PRKCA: variants seen among roughly 807,000 people sequenced by gnomAD.
PRKCA encodes protein kinase C alpha type.
A neutral mutation model predicts 87.0 loss-of-function variants in PRKCA; 27 were observed. The observed-to-expected ratio is 0.31, with a 90% CI of 0.23 to 0.43. The LOEUF (loss-of-function observed/expected upper bound fraction) is 0.43. Ranked by LOEUF, PRKCA falls within the 20% of genes least tolerant of loss-of-function variation. The pLI, the probability that PRKCA is intolerant of heterozygous loss-of-function variation, is 1.00. For missense variants in PRKCA, 518 were observed against 852.3 expected, an observed-to-expected ratio of 0.61 and a Z score of 4.88; for synonymous variants, 329 against 311.1, an observed-to-expected ratio of 1.06 and a Z score of -0.61.
chr17:66,751,486 T>C (rs1974426192), intron 13 of PRKCA, among the ~76,000 whole-genome samples: 1 of 152,228 alleles, frequency 6.6e-6, no homozygotes, highest in Non-Finnish European at 1.5e-5. Flanking sequence ...CCACTAGACT[T>C]TGAGACTTCT....
intron 8 of PRKCA, among the ~76,000 whole-genome samples, chr17:66,701,372 C>T (rs1189423089): frequency 6.6e-6 from 1 of 152,038 alleles, no homozygotes; most frequent in African/African-American, 2.4e-5. Flanking sequence ...GGGGGGAAAG[C>T]TTCATGACAT....
intron 8 of PRKCA, among the ~76,000 whole-genome samples, chr17:66,726,701 C>A (rs865995843): frequency 4.0e-5 from 6 of 149,912 alleles, no homozygotes; most frequent in African/African-American, 1.2e-4. Context: ...TGTGGGAAGC[C>A]GGTGAATCCA....
At chr17:66,571,663 G>A (rs1455507261) in intron 3 of PRKCA, among the ~76,000 whole-genome samples, 1 of 152,118 alleles carries the variant, frequency 6.6e-6, no homozygotes, top group Non-Finnish European at 1.5e-5. Context: ...TTTTTCTCAG[G>A]AAACAAACTA....
At chr17:66,483,264 C>T (rs914398009) in intron 2 of PRKCA, among the ~76,000 whole-genome samples, 1 of 152,064 alleles carries the variant, frequency 6.6e-6, no homozygotes, top group African/African-American at 2.4e-5. Context: ...TGGATGCTGG[C>T]AGGGTGGGTT....
intron 3 of PRKCA, among the ~76,000 whole-genome samples, chr17:66,541,838 A>G (rs1967998396): frequency 6.6e-6 from 1 of 152,186 alleles, no homozygotes; most frequent in South Asian, 2.1e-4. Context: ...GTCTCTGAGG[A>G]TTTTCTATCA....
At chr17:66,603,160 C>T (rs1970103954) in intron 3 of PRKCA, among the ~76,000 whole-genome samples, 1 of 152,174 alleles carries the variant, frequency 6.6e-6, no homozygotes, top group Non-Finnish European at 1.5e-5. Flanking sequence ...ACTGGAAACT[C>T]TCTCCAGAAG....
At chr17:66,547,871 A>G (rs1968195865) in intron 3 of PRKCA, among the ~76,000 whole-genome samples, 1 of 152,230 alleles carries the variant, frequency 6.6e-6, no homozygotes, top group South Asian at 2.1e-4. Flanking sequence ...TAAAGCACTT[A>G]CCATGAGAAA....
At chr17:66,313,951 A>G (rs780404267) in intron 2 of PRKCA, among the ~76,000 whole-genome samples, 1 of 152,206 alleles carries the variant, frequency 6.6e-6, no homozygotes, top group Non-Finnish European at 1.5e-5. Flanking sequence ...AGGAAAGAAA[A>G]TGGATATGTA....
At chr17:66,732,536 T>G (rs536726616) in intron 8 of PRKCA, 152 bp from the exon 9 acceptor site, 39 of 918,266 alleles carry the variant, frequency 4.2e-5, no homozygotes, top group African/African-American at 4.1e-4. Flanking sequence ...GCTGCTGATA[T>G]CTGAACAGGT....
At chr17:66,419,602 C>T (rs1912369657) in intron 2 of PRKCA, among the ~76,000 whole-genome samples, 1 of 152,042 alleles carries the variant, frequency 6.6e-6, no homozygotes, top group Non-Finnish European at 1.5e-5. Flanking sequence ...CATCAAAATG[C>T]CCATATTGTA....
intron 3 of PRKCA, among the ~76,000 whole-genome samples, chr17:66,562,517 G>A (rs1295819970): frequency 6.6e-6 from 1 of 152,000 alleles, no homozygotes; most frequent in Non-Finnish European, 1.5e-5. Context: ...TGAGTCTTCT[G>A]TGTGGTCCAT....
At chr17:66,668,777 G>T (rs1262185151) in intron 5 of PRKCA, among the ~76,000 whole-genome samples, 5 of 152,126 alleles carry the variant, frequency 3.3e-5, no homozygotes, top group African/African-American at 1.2e-4. Context: ...AATTACAGAA[G>T]AGTATTTGAG....
At chr17:66,602,480 G>A (rs947112991) in intron 3 of PRKCA, among the ~76,000 whole-genome samples, 1 of 151,652 alleles carries the variant, frequency 6.6e-6, no homozygotes. Context: ...GCACTCCCTA[G>A]TGAGATGAAC....
chr17:66,777,202 CTG>C, intron 14 of PRKCA: 4 of 985,430 alleles, frequency 4.1e-6, no homozygotes, highest in Non-Finnish European at 3.6e-6. Context: ...TGTTGTAACA[CTG>C]TGACCATGAA....
chr17:66,480,001 A>T (rs1305855360), intron 2 of PRKCA, among the ~76,000 whole-genome samples: 1 of 56,900 alleles, frequency 1.8e-5, no homozygotes, highest in Admixed American at 1.9e-4. Context: ...CTGAACTTAA[A>T]AAAAAAAAAA....
intron 7 of PRKCA, 96 bp downstream of exon 7, chr17:66,688,532 G>C (rs1972691269): frequency 1.4e-6 from 2 of 1,472,896 alleles, no homozygotes; most frequent in Non-Finnish European, 1.9e-6. Flanking sequence ...GCTGGACATG[G>C]TGCCTCATGC....
At chr17:66,735,920 CTTT>C (rs5821508) in intron 10 of PRKCA, among the ~76,000 whole-genome samples, 13 of 122,080 alleles carry the variant, frequency 1.1e-4, no homozygotes, top group East Asian at 2.4e-4. Context: ...TTCTTTCTTT[CTTT>C]TTTTTTTTTT....
intron 14 of PRKCA, chr17:66,774,464 TA>T (rs1325915623): frequency 1.3e-6 from 1 of 770,470 alleles, no homozygotes; most frequent in Admixed American, 4.7e-5. Flanking sequence ...CTACTAAAAA[TA>T]CAAAAATTAG....
rs1973742409 is a variant in PRKCA at position 66,726,148 on chromosome 17, T to TCGCAGG, written c.919-6540_919-6539insCGCAGG. ...TGTGCAGGACAGAAAGCTCAGGTGT[T>TCGCAGG]TGCAGGTGTGCAGGACAGAAAGCTC... is the stretch of plus-strand genomic sequence containing the variant. On this transcript the variant is annotated intron_variant, in intron 8 of 16. Coordinates refer to ENST00000413366, the MANE Select transcript of PRKCA (RefSeq NM_002737.3). 3.8e-5 allele frequency among the ~76,000 whole-genome samples: 5 copies of TCGCAGG among 130,836 alleles called. 2 individuals are homozygous for TCGCAGG. The highest frequency in any genetic ancestry group is 2.8e-5 in the African/African-American group (1 of 35,142). The allele number at this position is 130,836 out of a possible 152,430, so 85.8% of individuals were successfully genotyped here. A position where few individuals can be genotyped will look rare whatever the true frequency, so the allele number is the denominator to read the frequency against.
Sources: allele counts gnomAD v4.1 joint callset (sites outside exome capture counted in the v4.1 genomes callset), GRCh38; gene constraint gnomAD v4.1.1; transcripts MANE v1.5; gene names NCBI Gene and HGNC (gene_info 2026-07-23, HGNC 2026-07-21).